TRIQK: variants seen among roughly 807,000 people sequenced by gnomAD.
TRIQK encodes the protein triple QxxK/R motif-containing protein.
A neutral mutation model predicts 10.8 loss-of-function variants in TRIQK; 10 were observed. The observed-to-expected ratio is 0.92, with a 90% CI of 0.57 to 1.57. TRIQK has a LOEUF of 1.57. TRIQK is among the 40% of genes most tolerant of loss of function. The pLI is 0.00. For missense variants in TRIQK, 107 were observed against 97.7 expected (o/e 1.09, Z -0.40); for synonymous variants, 33 against 33.7 (o/e 0.98, Z 0.07).
chr8:93,000,976 T>C (rs1301655996), intron 1 of TRIQK, among the ~76,000 whole-genome samples: 2 of 151,462 alleles, frequency 1.3e-5, no homozygotes, highest in African/African-American at 4.9e-5. Context: ...TACCTATCAA[T>C]AATAAACTTG....
At chr8:93,014,921 T>C (rs930596409) in intron 1 of TRIQK, among the ~76,000 whole-genome samples, 4 of 152,042 alleles carry the variant, frequency 2.6e-5, no homozygotes, top group African/African-American at 9.6e-5. Context: ...CTAATAGATA[T>C]AATCTGGTCA....
chr8:92,963,480 A>AC, intron 1 of TRIQK: 1 of 152,254 alleles, frequency 6.6e-6, no homozygotes, highest in South Asian at 2.1e-4. Context: ...AAAAAAAAAA[A>AC]ACAGTTCTAA....
intron 2 of TRIQK, among the ~76,000 whole-genome samples, chr8:92,944,477 A>C (rs1811421077): frequency 6.6e-6 from 1 of 152,188 alleles, no homozygotes; most frequent in African/African-American, 2.4e-5. Context: ...ATAAACGAAT[A>C]AGTGGATAAA....
At chr8:92,895,604 T>C (rs35159961) in intron 3 of TRIQK, among the ~76,000 whole-genome samples, 22,197 of 152,176 alleles carry the variant, frequency 0.15, 2,246 homozygotes, top group East Asian at 0.28. Context: ...AAGGCCATTT[T>C]GATGAGGTCT....
At chr8:92,947,952 C>CTA (rs1811642069) in intron 2 of TRIQK, among the ~76,000 whole-genome samples, 1 of 152,120 alleles carries the variant, frequency 6.6e-6, no homozygotes, top group South Asian at 2.1e-4. Context: ...CCTTGAATTA[C>CTA]AATGATAGGA....
intron 2 of TRIQK, among the ~76,000 whole-genome samples, chr8:92,923,329 T>C (rs1231090168): frequency 6.6e-6 from 1 of 151,704 alleles, no homozygotes; most frequent in Non-Finnish European, 1.5e-5. Flanking sequence ...TCAGCCACAA[T>C]TTAAAATGTG....
intron 3 of TRIQK, among the ~76,000 whole-genome samples, chr8:92,901,907 T>C (rs1808960576): frequency 6.6e-6 from 1 of 152,172 alleles, no homozygotes; most frequent in South Asian, 2.1e-4. Context: ...ATTATGGATT[T>C]GATCTCATTG....
intron 3 of TRIQK, among the ~76,000 whole-genome samples, chr8:92,914,622 A>G (rs560722870): frequency 6.3e-4 from 96 of 152,312 alleles, no homozygotes; most frequent in Admixed American, 1.8e-3. Context: ...GGAGAAAATG[A>G]CAAACAGGTA....
intron 4 of TRIQK, among the ~76,000 whole-genome samples, chr8:92,887,345 T>A (rs1816539435): frequency 6.6e-6 from 1 of 151,536 alleles, no homozygotes; most frequent in Non-Finnish European, 1.5e-5. Context: ...TCATGAAGCA[T>A]AATACAATAC....
chr8:92,889,973 TGATAA>T (rs1172609960), intron 4 of TRIQK, among the ~76,000 whole-genome samples: 1 of 151,750 alleles, frequency 6.6e-6, no homozygotes, highest in African/African-American at 2.4e-5. Context: ...TGTAGTAAAG[TGATAA>T]GATATCACAA....
At chr8:92,955,440 G>A (rs1030453854) in intron 1 of TRIQK, among the ~76,000 whole-genome samples, 1 of 151,658 alleles carries the variant, frequency 6.6e-6, no homozygotes, top group Non-Finnish European at 1.5e-5. Context: ...ATGAATCACA[G>A]AACTAAATGC....
In TRIQK at chr8:92,916,924, C is replaced by T. The variant is rs900478954; in HGVS notation, c.61+5G>A. The T allele has an allele frequency of 4.5e-5, 66 of 1,463,464 alleles. No homozygotes were observed. Among genetic ancestry groups the T allele is most frequent in the Non-Finnish European group, 5.8e-5 (64 of 1,112,568 alleles). The allele number at this position is 1,463,464 out of a possible 1,614,324, so 90.7% of individuals were successfully genotyped here. A position where few individuals can be genotyped will look rare whatever the true frequency, so the allele number is the denominator to read the frequency against. On this transcript the variant is annotated splice_donor_5th_base_variant and intron_variant, in intron 3 of 4. Transcript: ENST00000521988. ...GGAGTGTATCAAAGATAATTCATTGCTTACCAATTTGTTTTCTGTACTGAT... is the reference window on the plus strand; with the variant it reads ...GGAGTGTATCAAAGATAATTCATTGTTTACCAATTTGTTTTCTGTACTGAT...
upstream of TRIQK, among the ~76,000 whole-genome samples, chr8:92,966,896 C>A (rs149827622): frequency 7.8e-3 from 1,099 of 140,652 alleles, 10 homozygotes; most frequent in African/African-American, 0.025. Context: ...TTTAATTTTT[C>A]TCTTGCTCAC....
At position 92,959,094 on chromosome 8, in the gene TRIQK, T is replaced by C. The variant is rs188638125; in HGVS notation, c.-180-4530A>G. Among the ~76,000 whole-genome samples, 231 of 152,192 alleles carry C rather than the reference T, an allele frequency of 1.5e-3. 1 individual carries two copies. The highest frequency in any genetic ancestry group is 2.5e-3 in the Non-Finnish European group (168 of 67,980). On this transcript the variant is annotated intron_variant, in intron 1 of 4. Coordinates refer to ENST00000521988, the MANE Select transcript of TRIQK (RefSeq NM_001171797.2). ...CTAATAAAACTTTATTTATAAACAA[T>C]TAAATTTGAATTTTACATAATTTCC...
chr8:92,995,272 A>T (rs1225562575), intron 1 of TRIQK, among the ~76,000 whole-genome samples: 2 of 152,072 alleles, frequency 1.3e-5, no homozygotes, highest in African/African-American at 2.4e-5. Context: ...TGCTATGAAT[A>T]AGTAGTTCAA....
chr8:92,978,914 A>C (rs946131026), intron 1 of TRIQK, among the ~76,000 whole-genome samples: 1 of 152,096 alleles, frequency 6.6e-6, no homozygotes, highest in Non-Finnish European at 1.5e-5. Context: ...CAATTTTACT[A>C]TTCCTGCTAC....
chr8:92,990,061 A>T (rs1175821817), intron 1 of TRIQK, among the ~76,000 whole-genome samples: 2 of 152,214 alleles, frequency 1.3e-5, no homozygotes, highest in Non-Finnish European at 2.9e-5. Flanking sequence ...TTATAAAAAC[A>T]TAGATTAAAA....
At chr8:92,966,980 C>CAAAAAAAA (rs10655820), upstream of TRIQK, among the ~76,000 whole-genome samples, 69 of 68,482 alleles carry the variant, frequency 1.0e-3, no homozygotes, top group African/African-American at 2.4e-3. Flanking sequence ...AAGTAGCATA[C>CAAAAAAAA]AAAAAAAAAA....
Position 92,921,983 on chromosome 8 carries a change from G to T in TRIQK, c.-21-4973C>A, listed in dbSNP as rs1448375108. Among the ~76,000 whole-genome samples the T allele has an allele frequency of 2.0e-5, 3 of 151,870 alleles. No homozygotes were observed. The East Asian group carries it at 5.8e-4, about 29-fold the overall frequency. On this transcript the variant is annotated intron_variant, in intron 2 of 4. Transcript: ENST00000521988. The stretch of plus-strand genomic sequence containing the variant: ...TTATCCATATGTGACAAAGTTATAA[G>T]TTCAGCTAAAAACCTATTTTTCTAA...
Sources: gnomAD v4.1 joint callset for allele counts (sites outside exome capture counted in the v4.1 genomes callset) on GRCh38, gnomAD v4.1.1 for gene constraint, MANE v1.5 for transcripts, NCBI Gene and HGNC (gene_info 2026-07-23, HGNC 2026-07-21) for gene names.